Variants in DCLK1 observed in about 807,000 individuals in gnomAD.
DCLK1 encodes serine/threonine-protein kinase DCLK1.
In DCLK1, 16 loss-of-function variants were observed where a neutral mutation model predicts 86.2. The observed-to-expected ratio is 0.19, with a 90% confidence interval of 0.13 to 0.28. The LOEUF is 0.28. Ranked by LOEUF, DCLK1 falls within the 10% of genes least tolerant of loss-of-function variation. DCLK1 has a pLI of 1.00. For missense variants in DCLK1, 590 were observed against 940.2 expected (o/e 0.63, Z 4.87); for synonymous variants, 369 against 370.5 (o/e 1.00, Z 0.05).
At chr13:35,937,524 G>A (rs1876832396) in intron 4 of DCLK1, among the ~76,000 whole-genome samples, 1 of 152,120 alleles carries the variant, frequency 6.6e-6, no homozygotes, top group Non-Finnish European at 1.5e-5. Flanking sequence ...CTAGCTAGGT[G>A]TGGAAATGGA....
intron 4 of DCLK1, among the ~76,000 whole-genome samples, chr13:35,933,807 T>C (rs1876595365): frequency 6.6e-6 from 1 of 152,186 alleles, no homozygotes; most frequent in Non-Finnish European, 1.5e-5. Context: ...CTGGAGACAT[T>C]TTCCCCATTG....
chr13:35,850,407 GTGTGTTCT>G, intron 6 of DCLK1: 1 of 1,041,078 alleles, frequency 9.6e-7, no homozygotes, highest in Non-Finnish European at 1.2e-6. Flanking sequence ...CACATGGTTA[GTGTGTTCT>G]TGTACTCAAT....
intron 4 of DCLK1, among the ~76,000 whole-genome samples, chr13:35,890,035 T>C (rs1037999473): frequency 2.0e-5 from 3 of 152,182 alleles, no homozygotes; most frequent in African/African-American, 7.2e-5. Flanking sequence ...ATCAAGGCAT[T>C]GCTTTTACTT....
intron 3 of DCLK1, among the ~76,000 whole-genome samples, chr13:36,055,689 G>C (rs1487982343): frequency 6.6e-6 from 1 of 151,986 alleles, no homozygotes; most frequent in Non-Finnish European, 1.5e-5. Flanking sequence ...CCTTTATGTT[G>C]ACTGCAGGAT....
At chr13:35,855,646 C>T in intron 5 of DCLK1, 1 of 1,468,792 alleles carries the variant, frequency 6.8e-7, no homozygotes, top group Non-Finnish European at 9.1e-7. Context: ...TAAGGCTGCT[C>T]CCAGAGCAGG....
chr13:35,961,013 T>A (rs1878428296), intron 3 of DCLK1, among the ~76,000 whole-genome samples: 1 of 152,226 alleles, frequency 6.6e-6, no homozygotes, highest in Non-Finnish European at 1.5e-5. Flanking sequence ...CATGTTTACA[T>A]ATTTTTCTAT....
At chr13:35,780,876 C>T (rs2086513385) in intron 16 of DCLK1, among the ~76,000 whole-genome samples, 1 of 152,164 alleles carries the variant, frequency 6.6e-6, no homozygotes, top group South Asian at 2.1e-4. Context: ...TGGTGCCTGC[C>T]GTAACACCAG....
chr13:36,020,508 T>C (rs1015416748), intron 3 of DCLK1, among the ~76,000 whole-genome samples: 1 of 152,132 alleles, frequency 6.6e-6, no homozygotes, highest in African/African-American at 2.4e-5. Flanking sequence ...TTGTGGCATT[T>C]TTCTTCCCCT....
At chr13:36,004,960 C>G (rs17186040) in intron 3 of DCLK1, among the ~76,000 whole-genome samples, 55,258 of 152,036 alleles carry the variant, frequency 0.36, 11,220 homozygotes, top group Non-Finnish European at 0.45. Context: ...TAAATGTACA[C>G]AACAATCTGG....
chr13:35,808,595 C>T (rs9565572), intron 13 of DCLK1, among the ~76,000 whole-genome samples: 24,495 of 151,994 alleles, frequency 0.16, 2,988 homozygotes, highest in African/African-American at 0.33. Flanking sequence ...CCAGCTTGGC[C>T]AACATGGTGA....
chr13:35,795,148 G>A (rs577764254), intron 15 of DCLK1, among the ~76,000 whole-genome samples: 76 of 152,332 alleles, frequency 5.0e-4, no homozygotes, highest in African/African-American at 1.4e-3. Flanking sequence ...TACAGCTGAC[G>A]TCATGAGGGA....
At chr13:36,007,353 G>C (rs1436105406) in intron 3 of DCLK1, among the ~76,000 whole-genome samples, 1 of 152,186 alleles carries the variant, frequency 6.6e-6, no homozygotes, top group East Asian at 1.9e-4. Context: ...GAGTGTTCTA[G>C]AATAGTGTTA....
chr13:35,907,651 C>T (rs1223557183), intron 4 of DCLK1, among the ~76,000 whole-genome samples: 1 of 151,984 alleles, frequency 6.6e-6, no homozygotes, highest in Non-Finnish European at 1.5e-5. Flanking sequence ...GATAGGACAG[C>T]CTGCAGAGGC....
intron 3 of DCLK1, among the ~76,000 whole-genome samples, chr13:36,097,898 A>T (rs1030000649): frequency 4.6e-5 from 7 of 152,194 alleles, no homozygotes; most frequent in Non-Finnish European, 8.8e-5. Context: ...AGTATTTGGA[A>T]AACACTATAT....
chr13:35,825,368 A>G (rs1158176203), intron 10 of DCLK1, among the ~76,000 whole-genome samples: 5 of 152,178 alleles, frequency 3.3e-5, no homozygotes, highest in African/African-American at 1.2e-4. Flanking sequence ...TGAGGGTCCC[A>G]GCGCTGGGCT....
intron 3 of DCLK1, among the ~76,000 whole-genome samples, chr13:36,096,283 TTCACAGGGG>T (rs1347917582): frequency 6.6e-6 from 1 of 152,178 alleles, no homozygotes; most frequent in African/African-American, 2.4e-5. Flanking sequence ...TGTAAGAGGC[TTCACAGGGG>T]AGACCGGTCC....
chr13:35,839,291 T>C (rs528793014), intron 6 of DCLK1, 115 bp from the exon 7 acceptor site: 1 of 812,386 alleles, frequency 1.2e-6, no homozygotes, highest in African/African-American at 1.7e-5. Flanking sequence ...AGGGAGGATT[T>C]GATCTTAACA....
intron 4 of DCLK1, among the ~76,000 whole-genome samples, chr13:35,917,717 C>T (rs2153126151): frequency 6.6e-6 from 1 of 152,240 alleles, no homozygotes; most frequent in Admixed American, 6.5e-5. Context: ...CCCCACCTAC[C>T]ATGCCTCAAG....
chr13:35,908,675 G>A (rs1416588393), intron 4 of DCLK1, among the ~76,000 whole-genome samples: 4 of 152,112 alleles, frequency 2.6e-5, no homozygotes, highest in African/African-American at 7.2e-5. Flanking sequence ...TGCTCTTGTC[G>A]CCCAGGCTTC....
Sources: gnomAD v4.1 joint callset for allele counts (sites outside exome capture counted in the v4.1 genomes callset) on GRCh38, gnomAD v4.1.1 for gene constraint, MANE v1.5 for transcripts, NCBI Gene and HGNC (gene_info 2026-07-23, HGNC 2026-07-21) for gene names.